The following FHL2 variants were observed in gnomAD, a reference collection of about 807,000 sequenced individuals.
The protein encoded by FHL2 is four and a half LIM domains protein 2.
FHL2 carries 20 observed loss-of-function variants against 32.7 expected under a neutral mutation model. That is an observed-to-expected ratio of 0.61 (90% CI 0.43 to 0.89). The LOEUF is 0.89. FHL2 is among the 40% of genes least tolerant of loss of function. The pLI, the probability that FHL2 is intolerant of heterozygous loss-of-function variation, is 0.00. For synonymous variants in FHL2, 123 were observed against 128.1 expected, an observed-to-expected ratio of 0.96 and a Z score of 0.27; for missense variants, 311 against 358.6, an observed-to-expected ratio of 0.87 and a Z score of 1.07.
At chr2:105,371,969 A>G (rs1056991013) in intron 4 of FHL2, among the ~76,000 whole-genome samples, 2 of 152,136 alleles carry the variant, frequency 1.3e-5, no homozygotes, top group Non-Finnish European at 2.9e-5. Context: ...CAGGATCCAC[A>G]TGATCTTAGA....
intron 1 of FHL2, among the ~76,000 whole-genome samples, chr2:105,407,385 C>G (rs145006640): frequency 0.022 from 2,958 of 134,174 alleles, 56 homozygotes; most frequent in Non-Finnish European, 0.033. Context: ...GAGCGAGACT[C>G]TGTCTCAAAA....
rs571471540 is a variant in FHL2, at chr2:105,384,598, C to T, written c.156+1763G>A. ...TCTCGGCTCACTGTAACTTCTGCCT[C>T]CCAGGTTCAAGTGATTCTCGTGCCT... On this transcript the variant is annotated intron_variant, in intron 3 of 6. Transcript: ENST00000530340. Among the ~76,000 whole-genome samples the T allele has an allele frequency of 7.2e-5, 11 of 152,270 alleles. No individual in the cohort carries two copies. In the South Asian group the frequency reaches 8.3e-4, roughly 11 times the overall value.
intron 1 of FHL2, among the ~76,000 whole-genome samples, chr2:105,432,097 C>G (rs1212456743): frequency 6.6e-6 from 1 of 152,228 alleles, no homozygotes; most frequent in Non-Finnish European, 1.5e-5. Context: ...GTCCTCATCC[C>G]ACTTTTCCTT....
intron 1 of FHL2, among the ~76,000 whole-genome samples, chr2:105,398,299 T>TA (rs1683281499): frequency 6.7e-5 from 5 of 75,066 alleles, no homozygotes; most frequent in African/African-American, 2.9e-4. Flanking sequence ...AAACTTAGAA[T>TA]CTTTTCATTT....
intron 1 of FHL2, among the ~76,000 whole-genome samples, chr2:105,427,362 T>C (rs1171921058): frequency 6.6e-6 from 1 of 152,208 alleles, no homozygotes; most frequent in Non-Finnish European, 1.5e-5. Context: ...ACTGAACTGA[T>C]TTCATGACCC....
upstream of FHL2, among the ~76,000 whole-genome samples, chr2:105,400,580 C>T (rs2104640499): frequency 6.6e-6 from 1 of 152,138 alleles, no homozygotes. Context: ...TCTCCTAGTT[C>T]TCAAATGGTG....
At chr2:105,374,139 C>T (rs1420279514) in intron 3 of FHL2, 3 of 279,132 alleles carry the variant, frequency 1.1e-5, no homozygotes, top group Non-Finnish European at 2.1e-5. Context: ...CTGCCCAACT[C>T]AGATCACTGT....
At chr2:105,430,975 C>T (rs1346369870) in intron 1 of FHL2, among the ~76,000 whole-genome samples, 1 of 152,210 alleles carries the variant, frequency 6.6e-6, no homozygotes, top group African/African-American at 2.4e-5. Context: ...ACAGTTTTCT[C>T]TTTGATCTTT....
chr2:105,392,820 T>C (rs1201682579), intron 2 of FHL2, among the ~76,000 whole-genome samples: 1 of 140,076 alleles, frequency 7.1e-6, no homozygotes, highest in Non-Finnish European at 1.5e-5. Context: ...AGCTTTTTTT[T>C]TTTTTTTTTT....
chr2:105,386,291 G>T, intron 3 of FHL2, 70 bp downstream of exon 3: 1 of 1,556,206 alleles, frequency 6.4e-7, no homozygotes, highest in African/African-American at 1.4e-5. Context: ...CAGGGCTTCA[G>T]CACAAACCAC....
At chr2:105,433,537 G>A (rs1684502000) in intron 1 of FHL2, among the ~76,000 whole-genome samples, 1 of 152,140 alleles carries the variant, frequency 6.6e-6, no homozygotes, top group Non-Finnish European at 1.5e-5. Flanking sequence ...AGTTTCTAGT[G>A]GGATTAGTGT....
chr2:105,408,663 G>A (rs1209210113), intron 1 of FHL2, among the ~76,000 whole-genome samples: 1 of 152,232 alleles, frequency 6.6e-6, no homozygotes, highest in African/African-American at 2.4e-5. Context: ...CAGTTAGTGA[G>A]CATACACATG....
At chr2:105,366,299 G>C (rs1680630403) in intron 5 of FHL2, among the ~76,000 whole-genome samples, 1 of 152,228 alleles carries the variant, frequency 6.6e-6, no homozygotes, top group Non-Finnish European at 1.5e-5. Context: ...GGGCAAGGTG[G>C]GGATATTCTT....
intron 2 of FHL2, among the ~76,000 whole-genome samples, chr2:105,394,108 G>A (rs1471153125): frequency 6.6e-6 from 1 of 152,192 alleles, no homozygotes; most frequent in Non-Finnish European, 1.5e-5. Flanking sequence ...TGTGCTCAGA[G>A]AATACCCCGC....
intron 2 of FHL2, among the ~76,000 whole-genome samples, chr2:105,394,619 G>A (rs1682994097): frequency 2.0e-5 from 3 of 150,310 alleles, no homozygotes; most frequent in Admixed American, 6.7e-5. Context: ...GAAAGAAAGA[G>A]AAAAAAGAAA....
chr2:105,401,940 T>C (rs1451121457), upstream of FHL2, among the ~76,000 whole-genome samples: 1 of 151,846 alleles, frequency 6.6e-6, no homozygotes. Flanking sequence ...CACATTTTTA[T>C]TTCTTGTAAA....
intron 3 of FHL2, chr2:105,378,241 C>T: frequency 2.1e-6 from 1 of 466,436 alleles, no homozygotes; most frequent in Non-Finnish European, 4.5e-6. Context: ...AAGACTGATT[C>T]ATTGACACGT....
intron 2 of FHL2, among the ~76,000 whole-genome samples, chr2:105,386,826 G>A (rs1378004294): frequency 1.5e-5 from 2 of 136,038 alleles, no homozygotes; most frequent in Non-Finnish European, 1.5e-5. Flanking sequence ...GTGCAGTGGT[G>A]CGATCTCGGC....
At chr2:105,367,159 C>G (rs1378904306) in intron 5 of FHL2, among the ~76,000 whole-genome samples, 4 of 152,194 alleles carry the variant, frequency 2.6e-5, no homozygotes, top group African/African-American at 9.7e-5. Context: ...ATCCGTCTCT[C>G]TCTCCTCCCT....
Sources: allele counts gnomAD v4.1 joint callset (sites outside exome capture counted in the v4.1 genomes callset), GRCh38; gene constraint gnomAD v4.1.1; transcripts MANE v1.5; gene names NCBI Gene and HGNC (gene_info 2026-07-23, HGNC 2026-07-21).